The following DACH2 variants were observed in gnomAD, a reference collection of about 807,000 sequenced individuals.
The protein encoded by DACH2 is dachshund family transcription factor 2, also known as dachshund homolog 2.
A neutral mutation model predicts 35.8 loss-of-function variants in DACH2; 17 were observed. The observed-to-expected ratio is 0.48, with a 90% CI of 0.33 to 0.71. The LOEUF (loss-of-function observed/expected upper bound fraction) is 0.71, where lower values mean the gene tolerates loss of function less well. DACH2 is among the 30% of genes least tolerant of loss of function. The pLI is 0.02. For missense variants in DACH2, 469 were observed against 472.7 expected (o/e 0.99, Z 0.07); for synonymous variants, 195 against 177.3 (o/e 1.10, Z -0.79).
intron 3 of DACH2, among the ~76,000 whole-genome samples, chrX:86,537,565 T>G (rs1036706951): frequency 1.2e-4 from 13 of 112,346 alleles, no homozygotes; most frequent in African/African-American, 3.6e-4. Context: ...TTCTGTTTCC[T>G]TTTAATTATA....
intron 1 of DACH2, among the ~76,000 whole-genome samples, chrX:86,348,244 A>G (rs773165464): frequency 4.0e-4 from 45 of 111,872 alleles, no homozygotes; most frequent in African/African-American, 1.4e-3. Context: ...TGTTGCAAAA[A>G]TCTACTGTTT....
chrX:86,254,794 A>ATG (rs1206305435), intron 1 of DACH2, among the ~76,000 whole-genome samples: 248 of 68,916 alleles, frequency 3.6e-3, no homozygotes, highest in Non-Finnish European at 5.6e-3. Context: ...ATATATATAT[A>ATG]TATATATATA....
At chrX:86,474,142 T>TG (rs1181348501) in intron 2 of DACH2, among the ~76,000 whole-genome samples, 1 of 112,246 alleles carries the variant, frequency 8.9e-6, no homozygotes. Flanking sequence ...TTCATATGCC[T>TG]GTTTGCCATT....
chrX:86,425,559 A>G (rs1238791853), intron 2 of DACH2, among the ~76,000 whole-genome samples: 1 of 109,919 alleles, frequency 9.1e-6, no homozygotes, highest in African/African-American at 3.3e-5. Context: ...ATTTATTTGG[A>G]TCTTCTCTCT....
chrX:86,274,952 T>A (rs769462544), intron 1 of DACH2, among the ~76,000 whole-genome samples: 1 of 111,818 alleles, frequency 8.9e-6, no homozygotes, highest in African/African-American at 3.3e-5. Context: ...ACAAAAGGAT[T>A]TGAAGCTTGA....
chrX:86,529,452 A>C (rs62594983), intron 3 of DACH2, among the ~76,000 whole-genome samples: 5,403 of 105,046 alleles, frequency 0.051, 119 homozygotes, highest in Middle Eastern at 0.11. Context: ...ATTTATCATT[A>C]CACTCTACCC....
chrX:86,435,823 C>T (rs1205562172), intron 2 of DACH2, among the ~76,000 whole-genome samples: 1 of 111,448 alleles, frequency 9.0e-6, no homozygotes, highest in Non-Finnish European at 1.9e-5. Flanking sequence ...AATCCGTCTC[C>T]CCTTTTTACA....
chrX:86,504,913 T>C (rs1040368430), intron 2 of DACH2, among the ~76,000 whole-genome samples: 4 of 111,600 alleles, frequency 3.6e-5, no homozygotes, highest in African/African-American at 1.3e-4. Context: ...AAGTAAGGAA[T>C]GGGGAAGGGA....
At chrX:86,501,164 T>C (rs769914288) in intron 2 of DACH2, among the ~76,000 whole-genome samples, 1 of 112,672 alleles carries the variant, frequency 8.9e-6, no homozygotes, top group African/African-American at 3.2e-5. Flanking sequence ...TTTATTTTCA[T>C]AATTACCCTT....
chrX:86,182,037 T>C (rs2147883328), intron 1 of DACH2, among the ~76,000 whole-genome samples: 1 of 112,088 alleles, frequency 8.9e-6, no homozygotes, highest in African/African-American at 3.2e-5. Context: ...GGGTTGTTTG[T>C]TTTTTTCTTG....
intron 2 of DACH2, among the ~76,000 whole-genome samples, chrX:86,455,172 C>T (rs1005543666): frequency 9.1e-6 from 1 of 110,263 alleles, no homozygotes; most frequent in African/African-American, 3.3e-5. Context: ...TGTACCAGGG[C>T]AGTATTGACC....
chrX:86,764,317 C>T (rs1449390653), intron 7 of DACH2, among the ~76,000 whole-genome samples: 1 of 111,163 alleles, frequency 9.0e-6, no homozygotes, highest in African/African-American at 3.3e-5. Flanking sequence ...TCCCAATGAT[C>T]GCATCACCTA....
At chrX:86,611,026 C>T (rs1275619977) in intron 3 of DACH2, among the ~76,000 whole-genome samples, 1 of 110,872 alleles carries the variant, frequency 9.0e-6, no homozygotes, top group Admixed American at 9.6e-5. Flanking sequence ...TGTTGGGTCT[C>T]ACCTGAAGCC....
intron 7 of DACH2, among the ~76,000 whole-genome samples, chrX:86,773,189 C>G (rs1397627216): frequency 8.9e-6 from 1 of 111,805 alleles, no homozygotes; most frequent in Non-Finnish European, 1.9e-5. Flanking sequence ...AAAGAAGGTT[C>G]CTGTTTTTAC....
intron 4 of DACH2, among the ~76,000 whole-genome samples, chrX:86,671,996 C>T (rs768206419): frequency 8.9e-6 from 1 of 111,916 alleles, no homozygotes; most frequent in South Asian, 3.8e-4. Flanking sequence ...TTTTTGGGAA[C>T]TGGAGGAAAG....
intron 7 of DACH2, among the ~76,000 whole-genome samples, chrX:86,756,551 G>C (rs1369912976): frequency 9.6e-6 from 1 of 104,385 alleles, no homozygotes; most frequent in African/African-American, 3.5e-5. Context: ...CTTCTTTATT[G>C]TATAGAAATG....
intron 5 of DACH2, among the ~76,000 whole-genome samples, chrX:86,707,388 A>G (rs747608203): frequency 8.9e-5 from 10 of 111,871 alleles, no homozygotes; most frequent in Admixed American, 5.7e-4. Context: ...GTTCACAGGT[A>G]AAGTCTACCA....
At chrX:86,580,936 T>C (rs980654338) in intron 3 of DACH2, among the ~76,000 whole-genome samples, 1 of 111,398 alleles carries the variant, frequency 9.0e-6, no homozygotes, top group Non-Finnish European at 1.9e-5. Flanking sequence ...CACATAGTTA[T>C]GAAATTCTCC....
rs73247209 is a variant in DACH2, at chrX:86,668,783, C to T, written c.772+17616C>T. On this transcript the variant is annotated intron_variant, in intron 4 of 11. Coordinates refer to ENST00000373125, the MANE Select transcript of DACH2 (RefSeq NM_053281.3). ...TTTTAGTGTTATTTTCAATATGTTG[C>T]AGTGGGGAAAGGAAAGAGTATGCAC... Among the ~76,000 whole-genome samples, 892 of 111,118 alleles carry T rather than the reference C, an allele frequency of 8.0e-3. 5 individuals are homozygous for T. The highest frequency in any genetic ancestry group is 0.014 in the Non-Finnish European group (714 of 52,808).
Sources: allele counts gnomAD v4.1 joint callset (sites outside exome capture counted in the v4.1 genomes callset), GRCh38; gene constraint gnomAD v4.1.1; transcripts MANE v1.5; gene names NCBI Gene and HGNC (gene_info 2026-07-23, HGNC 2026-07-21).